RGS12: variants seen among roughly 807,000 people sequenced by gnomAD.
RGS12 encodes the protein regulator of G-protein signaling 12.
In RGS12, 66 loss-of-function variants were observed where a neutral mutation model predicts 120.1. The observed-to-expected ratio is 0.55, with a 90% CI of 0.45 to 0.67. The LOEUF is 0.67. Ranked by LOEUF, RGS12 falls within the 30% of genes least tolerant of loss-of-function variation. RGS12 has a pLI of 0.00. For synonymous variants in RGS12, 827 were observed against 804.7 expected, an observed-to-expected ratio of 1.03 and a Z score of -0.47; for missense variants, 1,859 against 1,957.7, an observed-to-expected ratio of 0.95 and a Z score of 0.95.
intron 2 of RGS12, among the ~76,000 whole-genome samples, chr4:3,334,478 C>T (rs895015787): frequency 6.6e-6 from 1 of 152,130 alleles, no homozygotes; most frequent in Non-Finnish European, 1.5e-5. Context: ...CTATCTCGTA[C>T]TTTCCCTTCT....
intron 3 of RGS12, among the ~76,000 whole-genome samples, chr4:3,379,600 G>A (rs1045847621): frequency 1.3e-5 from 2 of 152,190 alleles, no homozygotes; most frequent in Admixed American, 6.5e-5. Flanking sequence ...TTAACTCACA[G>A]TTTCACATGG....
chr4:3,436,763 G>A (rs1306937940), intron 17 of RGS12, among the ~76,000 whole-genome samples: 1 of 152,184 alleles, frequency 6.6e-6, no homozygotes, highest in Non-Finnish European at 1.5e-5. Context: ...GCCGGTGAGG[G>A]GCCTGCGCAT....
At chr4:3,289,618 A>G (rs1722970649), upstream of RGS12, among the ~76,000 whole-genome samples, 1 of 152,214 alleles carries the variant, frequency 6.6e-6, no homozygotes, top group African/African-American at 2.4e-5. Flanking sequence ...TGTTTACACT[A>G]CAGAGTGATT....
At chr4:3,321,601 G>A (rs561720377) in intron 2 of RGS12, among the ~76,000 whole-genome samples, 22 of 152,312 alleles carry the variant, frequency 1.4e-4, no homozygotes, top group Admixed American at 5.9e-4. Flanking sequence ...ACCCCCAAGG[G>A]CATCTCACTC....
intron 2 of RGS12, among the ~76,000 whole-genome samples, chr4:3,338,019 G>A (rs1039330131): frequency 1.3e-5 from 2 of 152,112 alleles, no homozygotes; most frequent in African/African-American, 4.8e-5. Flanking sequence ...TGGTTCTTAC[G>A]CCAAAATGAT....
intron 1 of RGS12, among the ~76,000 whole-genome samples, chr4:3,308,193 G>A (rs1724075075): frequency 6.6e-6 from 1 of 152,250 alleles, no homozygotes; most frequent in Admixed American, 6.5e-5. Flanking sequence ...CGTCTGCTGT[G>A]TTCCTCCCAA....
At chr4:3,431,769 GAC>G in intron 17 of RGS12, 1 of 985,670 alleles carries the variant, frequency 1.0e-6, no homozygotes, top group Non-Finnish European at 1.2e-6. Context: ...GGGGTGCGTG[GAC>G]ACCTCTGCTG....
At chr4:3,341,042 TG>T (rs1018823066) in intron 2 of RGS12, among the ~76,000 whole-genome samples, 1 of 151,256 alleles carries the variant, frequency 6.6e-6, no homozygotes, top group East Asian at 2.0e-4. Context: ...CTCGGCCTGG[TG>T]GGGGCCCAGT....
chr4:3,423,938 C>T, intron 13 of RGS12: 1 of 311,792 alleles, frequency 3.2e-6, no homozygotes, highest in Non-Finnish European at 6.2e-6. Context: ...GGACTATCCT[C>T]CGCTGTTGGC....
chr4:3,291,002 C>T (rs1203791553), upstream of RGS12, among the ~76,000 whole-genome samples: 1 of 152,258 alleles, frequency 6.6e-6, no homozygotes, highest in Admixed American at 6.5e-5. Flanking sequence ...ACAGAAACAG[C>T]TTCTTGGGCC....
chr4:3,390,590 G>C lies in RGS12; in HGVS notation c.2020+4153G>C, dbSNP rs767388288. Among the ~76,000 whole-genome samples the C allele has an allele frequency of 6.6e-6, 1 of 152,226 alleles. No individual in the cohort carries two copies. Among genetic ancestry groups the C allele is most frequent in the African/African-American group, 2.4e-5 (1 of 41,458 alleles). ...GCCGCCTCCTCCTGGGCTGCTCTGC[G>C]CGCCTGCCAGGCTCTTCCAGTGCCT... On this transcript the variant is annotated intron_variant, in intron 4 of 17. Coordinates refer to ENST00000336727, the MANE Select transcript of RGS12 (RefSeq NM_001394154.1). The surrounding 1 kb of genome is among the most constrained non-coding windows in gnomAD (Gnocchi z 4.6).
chr4:3,342,329 A>G, intron 2 of RGS12: 2 of 1,054,658 alleles, frequency 1.9e-6, no homozygotes, highest in Non-Finnish European at 2.4e-6. Context: ...TGTCTAGCAT[A>G]ATGATGGGCA....
chr4:3,316,571 C>T lies in RGS12; in HGVS notation c.401C>T (p.Ala134Val). Reference protein sequence around the residue: ...LDSKALGINRAERVVEEMQSG... With the variant: ...LDSKALGINRVERVVEEMQSG... ...TCTAAAGCACTAGGTATAAACAGAG[C>T]AGAGCGAGTCGTGGAGGAAATGCAG... The change falls in exon 2 of 18, where the codon GCA (alanine) becomes GTA (valine). Residue 134 changes from alanine to valine, a missense_variant. Ala to Val is a moderately conservative substitution (Grantham distance 64, BLOSUM62 0). Transcript: ENST00000336727. 1 of 1,614,152 alleles carries T rather than the reference C, an allele frequency of 6.2e-7. No homozygotes were observed. The highest frequency in any genetic ancestry group is 8.5e-7 in the Non-Finnish European group (1 of 1,180,042).
At chr4:3,422,628 G>C (rs920906574) in intron 11 of RGS12, 58 bp downstream of exon 11, 6 of 1,544,620 alleles carry the variant, frequency 3.9e-6, no homozygotes, top group Non-Finnish European at 5.3e-6. Flanking sequence ...CCGCTCCCTG[G>C]CCCCCAGCTT....
chr4:3,416,807 T>G, intron 7 of RGS12, 106 bp from the exon 8 acceptor site: 1 of 1,014,682 alleles, frequency 9.9e-7, no homozygotes. Context: ...CGATGTCCTT[T>G]CAGGACAGGG....
At chr4:3,327,215 A>G (rs547553916) in intron 2 of RGS12, among the ~76,000 whole-genome samples, 6 of 152,240 alleles carry the variant, frequency 3.9e-5, no homozygotes, top group South Asian at 2.1e-4. Flanking sequence ...TTTTCAATAA[A>G]TGGTACTGGG....
intron 3 of RGS12, among the ~76,000 whole-genome samples, chr4:3,370,615 T>C (rs566400778): frequency 7.9e-5 from 12 of 152,354 alleles, no homozygotes; most frequent in Non-Finnish European, 1.3e-4. Context: ...GCGTCAGATG[T>C]TTTTCCTTTA....
intron 2 of RGS12, among the ~76,000 whole-genome samples, chr4:3,330,063 G>C (rs1273518773): frequency 6.6e-6 from 1 of 152,194 alleles, no homozygotes; most frequent in Non-Finnish European, 1.5e-5. Flanking sequence ...TGCTGTGTGA[G>C]GATGTGCTCT....
At chr4:3,388,138 T>G (rs973777103) in intron 4 of RGS12, among the ~76,000 whole-genome samples, 5 of 152,068 alleles carry the variant, frequency 3.3e-5, no homozygotes, top group Admixed American at 6.5e-5. Flanking sequence ...CTTTTCCCAG[T>G]GTCAGACCCT....
Sources: gnomAD v4.1 joint callset for allele counts (sites outside exome capture counted in the v4.1 genomes callset) on GRCh38, gnomAD v4.1.1 for gene constraint, Gnocchi (gnomAD v3.1) non-coding constraint, MANE v1.5 for transcripts, NCBI Gene and HGNC (gene_info 2026-07-23, HGNC 2026-07-21) for gene names.